The following AAK1 variants were observed in gnomAD, a reference collection of about 807,000 sequenced individuals.
The protein encoded by AAK1 is AP2 associated kinase 1.
AAK1 carries 37 observed loss-of-function variants against 116.0 expected under a neutral mutation model. The observed-to-expected ratio is 0.32, with a 90% confidence interval of 0.25 to 0.42. The LOEUF (loss-of-function observed/expected upper bound fraction) is 0.42, where lower values mean the gene tolerates loss of function less well. Among genes scored for constraint, AAK1 ranks in the 10% least tolerant of loss-of-function variants. The pLI is 1.00. For missense variants in AAK1, 919 were observed against 1,170.6 expected (o/e 0.79, Z 3.14); for synonymous variants, 458 against 439.9 (o/e 1.04, Z -0.51).
chr2:69,582,266 C>G (rs1281238234), intron 2 of AAK1, among the ~76,000 whole-genome samples: 1 of 152,152 alleles, frequency 6.6e-6, no homozygotes. Context: ...GTCCCAGGAT[C>G]AGGACATATT....
chr2:69,569,740 T>C (rs6546533), intron 2 of AAK1, among the ~76,000 whole-genome samples: 59,769 of 151,964 alleles, frequency 0.39, 12,567 homozygotes, highest in East Asian at 0.77. Flanking sequence ...TAGACTCATA[T>C]GGTATGTGCT....
rs561415591 is a variant in AAK1, at chr2:69,587,920, T to C, written c.164-30942A>G. Among the ~76,000 whole-genome samples, 5 of 152,058 alleles carry C rather than the reference T, an allele frequency of 3.3e-5. No individual in the cohort carries two copies. The East Asian group carries it at 9.7e-4, about 29-fold the overall frequency. On this transcript the variant is annotated intron_variant, in intron 2 of 21. Transcript: ENST00000409085. ...AAGCCACCATGCCAGGCCTCATTTC[T>C]TTTTTCTTTTTTTTAAATTTTTTGT...
chr2:69,632,756 G>A (rs1327353474), intron 2 of AAK1, among the ~76,000 whole-genome samples: 2 of 151,772 alleles, frequency 1.3e-5, no homozygotes, highest in African/African-American at 4.8e-5. Context: ...AAAAAAAGCC[G>A]GGCACGGTGG....
In AAK1 at chr2:69,611,384, T is replaced by C. The variant is rs188486026; in HGVS notation, c.163+31494A>G. On this transcript the variant is annotated intron_variant, in intron 2 of 21. Coordinates refer to ENST00000409085, the MANE Select transcript of AAK1 (RefSeq NM_014911.5). ...GGACCAGTGGCTTCCTGGGGGCTTT[T>C]GGGCCTTCGGCCTCAGACTGGGGGC... 1.5e-3 allele frequency among the ~76,000 whole-genome samples: 222 copies of C among 152,352 alleles called. 1 individual carries two copies. Among genetic ancestry groups the C allele is most frequent in the African/African-American group, 4.8e-3 (198 of 41,584 alleles).
At chr2:69,508,842 T>C (rs867904676) in intron 14 of AAK1, among the ~76,000 whole-genome samples, 3 of 152,200 alleles carry the variant, frequency 2.0e-5, no homozygotes, top group Non-Finnish European at 4.4e-5. Context: ...GGCCCTGCTA[T>C]GTTAAGCAGT....
intron 3 of AAK1, among the ~76,000 whole-genome samples, chr2:69,552,662 G>T (rs753369124): frequency 2.4e-4 from 37 of 151,866 alleles, no homozygotes; most frequent in Non-Finnish European, 5.3e-4. Flanking sequence ...AGTGAGCCGG[G>T]ATTGCACCAC....
Position 69,471,868 on chromosome 2 carries a change from G to A in AAK1, c.*4001C>T, listed in dbSNP as rs1056600887. On this transcript the variant is annotated 3_prime_UTR_variant, in exon 22 of 22. Transcript: ENST00000409085. The stretch of plus-strand genomic sequence containing the variant: ...GATCAATTATCTGTCAGGAGAGTAG[G>A]AAATAAGTAATCAAAACAACCAAAA... 1.0e-6 allele frequency: 1 copy of A among 985,210 alleles called. No individual in the cohort carries two copies. Among genetic ancestry groups the A allele is most frequent in the Non-Finnish European group, 1.2e-6 (1 of 829,784 alleles). 61.0% of individuals were successfully genotyped at this position (985,210 alleles called of 1,614,324 possible). A position where few individuals can be genotyped will look rare whatever the true frequency, so the allele number is the denominator to read the frequency against.
rs1200492940 is a variant in AAK1 at position 69,475,109 on chromosome 2, T to TA, written c.*759dup. ...GGCAATACTTGGGATTTATATAACG[T>TA]ACACATTGTATCCAAGGATCTCAAA... On this transcript the variant is annotated 3_prime_UTR_variant, in exon 22 of 22. Transcript: ENST00000409085. The TA allele has an allele frequency of 1.0e-6, 1 of 985,670 alleles. No homozygotes were observed. Among genetic ancestry groups the TA allele is most frequent in the African/African-American group, 1.7e-5 (1 of 57,226 alleles). The allele number at this position is 985,670 out of a possible 1,614,324, so 61.1% of individuals were successfully genotyped here.
chr2:69,467,313 CA>C lies in AAK1; in HGVS notation c.*8555del. Reference sequence around the variant, plus strand: ...GCATGGGCCATTACAGAAGCATTAGCAAACTCCAATATACTAGTCTATTTCT... The same window carrying C: ...GCATGGGCCATTACAGAAGCATTAGCAACTCCAATATACTAGTCTATTTCT... On this transcript the variant is annotated 3_prime_UTR_variant, in exon 22 of 22. Coordinates refer to ENST00000409085, the MANE Select transcript of AAK1 (RefSeq NM_014911.5). 2.0e-6 allele frequency: 2 copies of C among 985,430 alleles called. No homozygotes were observed. Among genetic ancestry groups the C allele is most frequent in the African/African-American group, 3.5e-5 (2 of 57,358 alleles). 61.0% of individuals were successfully genotyped at this position (985,430 alleles called of 1,614,324 possible). A position where few individuals can be genotyped will look rare whatever the true frequency, so the allele number is the denominator to read the frequency against.
chr2:69,546,189 T>G (rs984552170), intron 3 of AAK1, among the ~76,000 whole-genome samples: 3 of 152,152 alleles, frequency 2.0e-5, no homozygotes, highest in African/African-American at 7.2e-5. Context: ...TCAAATGAGT[T>G]CGTATCTGTT....
intron 2 of AAK1, among the ~76,000 whole-genome samples, chr2:69,571,896 C>T (rs973713063): frequency 6.6e-6 from 1 of 152,140 alleles, no homozygotes; most frequent in Non-Finnish European, 1.5e-5. Flanking sequence ...CACTCATTAC[C>T]TGGGAATGTT....
At chr2:69,535,068 C>T (rs1056808547) in intron 5 of AAK1, among the ~76,000 whole-genome samples, 7 of 152,232 alleles carry the variant, frequency 4.6e-5, no homozygotes, top group Non-Finnish European at 7.3e-5. Context: ...CATTCAGCAA[C>T]AATCTTCCTC....
chr2:69,520,804 A>G (rs1269049135), intron 11 of AAK1, 30 bp downstream of exon 11: 2 of 1,525,218 alleles, frequency 1.3e-6, no homozygotes, highest in Admixed American at 2.3e-5. Flanking sequence ...AAAGAGGTGT[A>G]TTGAGTTTCA....
intron 2 of AAK1, among the ~76,000 whole-genome samples, chr2:69,566,570 G>C (rs1036315566): frequency 6.6e-6 from 1 of 152,118 alleles, no homozygotes; most frequent in East Asian, 1.9e-4. Flanking sequence ...GAACCCAATC[G>C]AGGCCACAGC....
At chr2:69,507,623 G>C in intron 14 of AAK1, 45 bp from the exon 15 acceptor site, 1 of 1,471,016 alleles carries the variant, frequency 6.8e-7, no homozygotes, top group East Asian at 2.5e-5. Flanking sequence ...TATAAAAGTT[G>C]AACAAAACAA....
chr2:69,565,383 G>A (rs1418661730), intron 2 of AAK1, among the ~76,000 whole-genome samples: 2 of 152,240 alleles, frequency 1.3e-5, no homozygotes, highest in Non-Finnish European at 2.9e-5. Context: ...AGCTAGGACT[G>A]AACCAGACAG....
chr2:69,531,290 T>C (rs945713840), intron 6 of AAK1, among the ~76,000 whole-genome samples: 1 of 152,224 alleles, frequency 6.6e-6, no homozygotes, highest in Non-Finnish European at 1.5e-5. Context: ...TATGATGCTT[T>C]AGTCTCTAGA....
intron 2 of AAK1, among the ~76,000 whole-genome samples, chr2:69,584,842 T>C (rs1672696301): frequency 6.6e-6 from 1 of 152,174 alleles, no homozygotes; most frequent in Non-Finnish European, 1.5e-5. Flanking sequence ...GCCTTCCACC[T>C]CACTTCCAGT....
intron 8 of AAK1, 60 bp downstream of exon 8, chr2:69,529,948 C>T (rs1352589214): frequency 7.3e-7 from 1 of 1,377,688 alleles, no homozygotes; most frequent in Non-Finnish European, 9.7e-7. Flanking sequence ...CCCTTTATCC[C>T]CCAATTCATT....
Sources: gnomAD v4.1 joint callset for allele counts (sites outside exome capture counted in the v4.1 genomes callset) on GRCh38, gnomAD v4.1.1 for gene constraint, MANE v1.5 for transcripts, NCBI Gene and HGNC (gene_info 2026-07-23, HGNC 2026-07-21) for gene names.